ADAMTS5: variants seen among roughly 807,000 people sequenced by gnomAD.
ADAMTS5 encodes A disintegrin and metalloproteinase with thrombospondin motifs 5.
Under a neutral mutation model 81.4 loss-of-function variants are expected in ADAMTS5, and 54 were observed. The ratio of observed to expected loss-of-function variants is 0.66; its 90% CI spans 0.53 to 0.83. ADAMTS5 has a LOEUF of 0.83. ADAMTS5 is among the 40% of genes least tolerant of loss of function. The pLI is 0.00. For synonymous variants in ADAMTS5, 532 were observed against 508.8 expected, an observed-to-expected ratio of 1.05 and a Z score of -0.61; for missense variants, 1,194 against 1,229.9, an observed-to-expected ratio of 0.97 and a Z score of 0.44.
intron 1 of ADAMTS5, among the ~76,000 whole-genome samples, chr21:26,956,149 A>C (rs1263284557): frequency 6.6e-6 from 1 of 152,212 alleles, no homozygotes; most frequent in East Asian, 1.9e-4. Context: ...CTACATAACC[A>C]GTGCTACATA....
chr21:26,946,117 A>G (rs1449133858), intron 2 of ADAMTS5, among the ~76,000 whole-genome samples: 1 of 152,196 alleles, frequency 6.6e-6, no homozygotes, highest in Non-Finnish European at 1.5e-5. Flanking sequence ...AGCTGGAACC[A>G]GGGCATGGCG....
In ADAMTS5 at chr21:26,924,026, C is replaced by T. The variant is rs996334915; in HGVS notation, c.*27G>A. On this transcript the variant is annotated 3_prime_UTR_variant, in exon 8 of 8. Coordinates refer to ENST00000284987, the MANE Select transcript of ADAMTS5 (RefSeq NM_007038.5). ...CATCAGTGCTGAATCCTCCAGTTAT[C>T]TTTGTGCATAAGATCATAACCACAG... 1 of 1,560,312 alleles carries T rather than the reference C, an allele frequency of 6.4e-7. No individual in the cohort carries two copies. The highest frequency in any genetic ancestry group is 8.7e-7 in the Non-Finnish European group (1 of 1,148,338).
intron 2 of ADAMTS5, among the ~76,000 whole-genome samples, chr21:26,951,342 T>C (rs1398118300): frequency 1.3e-5 from 2 of 152,102 alleles, no homozygotes; most frequent in Non-Finnish European, 2.9e-5. Flanking sequence ...ACTGTTTGCA[T>C]AAAGGAAATT....
At chr21:26,934,894 C>T in intron 3 of ADAMTS5, 145 bp from the exon 4 acceptor site, 2 of 1,154,032 alleles carry the variant, frequency 1.7e-6, no homozygotes, top group Non-Finnish European at 2.4e-6. Flanking sequence ...AGAGGGACTC[C>T]ATGGGGACAA....
intron 2 of ADAMTS5, among the ~76,000 whole-genome samples, chr21:26,948,255 T>G (rs1270314631): frequency 6.6e-6 from 1 of 152,120 alleles, no homozygotes; most frequent in Non-Finnish European, 1.5e-5. Context: ...AACATTAACC[T>G]CAGGAAGGAA....
intron 3 of ADAMTS5, among the ~76,000 whole-genome samples, chr21:26,940,917 C>T (rs1987103102): frequency 6.6e-6 from 1 of 152,064 alleles, no homozygotes; most frequent in African/African-American, 2.4e-5. Flanking sequence ...TTTTTGGTTA[C>T]AATTTAAAAG....
Position 26,966,235 on chromosome 21 carries a change from C to A in ADAMTS5, c.157G>T (p.Glu53Ter), listed in dbSNP as rs1330665570. 3.1e-6 allele frequency: 5 copies of A among 1,602,028 alleles called. No individual in the cohort carries two copies. The highest frequency in any genetic ancestry group is 4.3e-6 in the Non-Finnish European group (5 of 1,176,046). The change falls in exon 1 of 8, where the codon GAG (glutamate) becomes TAG (stop). Residue 53 changes from glutamate (E) to a stop codon, truncating the protein, a stop_gained. Transcript: ENST00000284987. LOFTEE classifies it high-confidence loss of function. Reference protein sequence around the residue: ...PRRRQGEEVQERAEPPGHPHP... With the variant: ...PRRRQGEEVQ ...GGGTGGCCGGGAGGCTCGGCTCGCT[C>A]CTGCACCTCCTCCCCCTGCCGCCGG...
In ADAMTS5 at chr21:26,922,093, T is replaced by A. The variant is rs1986710257; in HGVS notation, c.*1960A>T. The A allele has an allele frequency of 6.6e-6, 1 of 152,116 alleles. No homozygotes were observed. The highest frequency in any genetic ancestry group is 2.4e-5 in the African/African-American group (1 of 41,460). 9.4% of individuals were successfully genotyped at this position (152,116 alleles called of 1,614,324 possible). On this transcript the variant is annotated 3_prime_UTR_variant, in exon 8 of 8. Transcript: ENST00000284987. ...TTCTCACCTATTTAACTAGGTTTGC[T>A]TTCTGCCCTTGGCATTGGGTGATCT...
Position 26,966,195 on chromosome 21 carries a change from T to C in ADAMTS5, c.197A>G (p.Gln66Arg). The C allele has an allele frequency of 6.3e-7, 1 of 1,597,324 alleles. No individual in the cohort carries two copies. Among genetic ancestry groups the C allele is most frequent in the Non-Finnish European group, 8.5e-7 (1 of 1,172,182 alleles). The change falls in exon 1 of 8, where the codon CAG becomes CGG. Residue 66 changes from glutamine (Q) to arginine (R), a missense_variant. Gln to Arg is a conservative substitution (Grantham distance 43). Transcript: ENST00000284987. ...EPPGHPHPLA[Q>R]RRRSKGLVQN... ...CACCAGCCCCTTGCTCCTGCGCCGC[T>C]GCGCCAGGGGGTGCGGGTGGCCGGG...
At chr21:26,964,552 G>A (rs1022891184) in intron 1 of ADAMTS5, among the ~76,000 whole-genome samples, 7 of 152,194 alleles carry the variant, frequency 4.6e-5, no homozygotes, top group African/African-American at 1.7e-4. Context: ...CTCCCTAGGC[G>A]GCGGAGTTGG....
At chr21:26,959,601 T>A (rs1987489947) in intron 1 of ADAMTS5, among the ~76,000 whole-genome samples, 1 of 152,208 alleles carries the variant, frequency 6.6e-6, no homozygotes, top group Admixed American at 6.5e-5. Context: ...AAATAAAGAA[T>A]ATCCTGGTTT....
At chr21:26,947,890 T>C (rs1987246040) in intron 2 of ADAMTS5, among the ~76,000 whole-genome samples, 1 of 152,220 alleles carries the variant, frequency 6.6e-6, no homozygotes, top group African/African-American at 2.4e-5. Context: ...TTTGAATTAA[T>C]CTAAGAAATT....
chr21:26,959,132 G>C (rs149213175), intron 1 of ADAMTS5, among the ~76,000 whole-genome samples: 107 of 152,310 alleles, frequency 7.0e-4, no homozygotes, highest in African/African-American at 2.5e-3. Flanking sequence ...GCAAGTTGGA[G>C]ACAGGGAGCA....
At chr21:26,934,889 G>T in intron 3 of ADAMTS5, 140 bp from the exon 4 acceptor site, 2 of 1,173,764 alleles carry the variant, frequency 1.7e-6, no homozygotes, top group Non-Finnish European at 2.4e-6. Context: ...TCTGGAGAGG[G>T]ACTCCATGGG....
rs1360712136 is a variant in ADAMTS5, at chr21:26,918,504, A to C, written c.*5549T>G. On this transcript the variant is annotated 3_prime_UTR_variant, in exon 8 of 8. Coordinates refer to ENST00000284987, the MANE Select transcript of ADAMTS5 (RefSeq NM_007038.5). The stretch of plus-strand genomic sequence containing the variant: ...AGTCTATTTACAAAGCATATGTATG[A>C]TTTCCTCTGACTAATAGGTCATACA... The C allele has an allele frequency of 1.3e-5, 2 of 152,016 alleles. No individual in the cohort carries two copies. The highest frequency in any genetic ancestry group is 2.9e-5 in the Non-Finnish European group (2 of 67,950). 9.4% of individuals were successfully genotyped at this position (152,016 alleles called of 1,614,324 possible). A position where few individuals can be genotyped will look rare whatever the true frequency, so the allele number is the denominator to read the frequency against.
intron 2 of ADAMTS5, among the ~76,000 whole-genome samples, chr21:26,951,673 C>T (rs1181674081): frequency 1.2e-5 from 1 of 80,176 alleles, no homozygotes; most frequent in Non-Finnish European, 2.1e-5. Context: ...GAGTGACCCT[C>T]CATCTCAAAA....
rs187448434 is a variant in ADAMTS5 at position 26,961,956 on chromosome 21, G to A, written c.1104+3332C>T. The stretch of plus-strand genomic sequence containing the variant: ...GAGAAATGCCGTGTGGGGAGACCCG[G>A]TCCCAGCAATCTAAGGCAGAATGTA... On this transcript the variant is annotated intron_variant, in intron 1 of 7. Coordinates refer to ENST00000284987, the MANE Select transcript of ADAMTS5 (RefSeq NM_007038.5). 3.2e-3 allele frequency among the ~76,000 whole-genome samples: 483 copies of A among 152,248 alleles called. 2 individuals carry two copies. The highest frequency in any genetic ancestry group is 0.017 in the Middle Eastern group (5 of 294).
chr21:26,945,956 G>A (rs919471776), intron 2 of ADAMTS5, among the ~76,000 whole-genome samples: 2 of 152,144 alleles, frequency 1.3e-5, no homozygotes, highest in Non-Finnish European at 1.5e-5. Context: ...GAAAGAGATC[G>A]ACTCTTTTGA....
intron 7 of ADAMTS5, among the ~76,000 whole-genome samples, chr21:26,925,572 G>C (rs538950240): frequency 5.3e-5 from 8 of 152,166 alleles, no homozygotes; most frequent in Non-Finnish European, 1.0e-4. Context: ...GTGAAATGAC[G>C]AGTCAACTTT....
Sources: allele counts gnomAD v4.1 joint callset (sites outside exome capture counted in the v4.1 genomes callset), GRCh38; gene constraint gnomAD v4.1.1; transcripts MANE v1.5; gene names NCBI Gene and HGNC (gene_info 2026-07-23, HGNC 2026-07-21).